Variants in BRDT observed in about 807,000 individuals in gnomAD.
The protein encoded by BRDT is bromodomain testis associated, also known as bromodomain testis-specific protein.
A neutral mutation model predicts 113.9 loss-of-function variants in BRDT; 77 were observed. That is an observed-to-expected ratio of 0.68 (90% CI 0.56 to 0.82). The LOEUF is 0.82. Among genes scored for constraint, BRDT ranks in the 40% least tolerant of loss-of-function variants. BRDT has a pLI of 0.00. For synonymous variants in BRDT, 358 were observed against 366.5 expected (o/e 0.98, Z 0.26); for missense variants, 1,027 against 1,105.4 (o/e 0.93, Z 1.01).
rs558232588 is a variant in BRDT, at chr1:91,975,650, A to G, written c.446-616A>G. Among the ~76,000 whole-genome samples the G allele has an allele frequency of 2.6e-4, 40 of 152,308 alleles. No individual in the cohort carries two copies. In the South Asian group the frequency reaches 6.8e-3, roughly 26 times the overall value. On this transcript the variant is annotated intron_variant, in intron 4 of 18. Transcript: ENST00000399546. ...GACAGTGGAGTCAAAGATGACTTCA[A>G]GGTTTTTGTTGTGAACAATTAGAAG...
intron 4 of BRDT, among the ~76,000 whole-genome samples, chr1:91,972,021 T>G (rs2101626483): frequency 6.6e-6 from 1 of 152,080 alleles, no homozygotes; most frequent in Admixed American, 6.6e-5. Flanking sequence ...TTTTTTTTCT[T>G]TCTTTCTTTC....
intron 4 of BRDT, among the ~76,000 whole-genome samples, chr1:91,972,852 T>C (rs1683760438): frequency 6.6e-6 from 1 of 152,220 alleles, no homozygotes; most frequent in Non-Finnish European, 1.5e-5. Context: ...ATCAGCCCTA[T>C]CTTAAAATAC....
At chr1:91,996,608 C>G (rs1171767269) in intron 15 of BRDT, among the ~76,000 whole-genome samples, 1 of 152,152 alleles carries the variant, frequency 6.6e-6, no homozygotes, top group Non-Finnish European at 1.5e-5. Context: ...TAAGATGATG[C>G]TCTGATGTAG....
At chr1:92,001,292 T>C (rs1416703950) in intron 15 of BRDT, among the ~76,000 whole-genome samples, 1 of 152,246 alleles carries the variant, frequency 6.6e-6, no homozygotes, top group Non-Finnish European at 1.5e-5. Context: ...GTACATAGTA[T>C]GTGCTCAGTA....
chr1:91,965,833 A>G (rs1361776100), intron 3 of BRDT, among the ~76,000 whole-genome samples: 2 of 151,540 alleles, frequency 1.3e-5, no homozygotes, highest in Non-Finnish European at 2.9e-5. Context: ...GTGACAGAGC[A>G]AGACACCTTC....
At chr1:91,958,135 G>T (rs561892454) in intron 1 of BRDT, among the ~76,000 whole-genome samples, 1 of 151,792 alleles carries the variant, frequency 6.6e-6, no homozygotes, top group Non-Finnish European at 1.5e-5. Context: ...GAGCCGCCAT[G>T]CCTGGCCAAG....
At position 91,977,696 on chromosome 1, in the gene BRDT, C is replaced by T. The variant is rs928662591; in HGVS notation, c.969+303C>T. The stretch of plus-strand genomic sequence containing the variant: ...GACCAGCCTGGCCATGGCGAAACTT[C>T]GTCTCTACTAAAAAAAAAAAAAAAA... On this transcript the variant is annotated intron_variant, in intron 6 of 18. Coordinates refer to ENST00000399546, the MANE Select transcript of BRDT (RefSeq NM_207189.4). Among the ~76,000 whole-genome samples the T allele has an allele frequency of 9.1e-5, 13 of 143,520 alleles. No individual in the cohort carries two copies. The East Asian group carries it at 2.6e-3, about 28-fold the overall frequency. 94.2% of individuals were successfully genotyped at this position (143,520 alleles called of 152,430 possible).
chr1:91,960,187 C>T (rs1045592468), intron 1 of BRDT, among the ~76,000 whole-genome samples: 9 of 152,204 alleles, frequency 5.9e-5, no homozygotes, highest in Middle Eastern at 3.4e-3. Flanking sequence ...CTAGCAATTC[C>T]ACTTGTGTAT....
At chr1:91,990,038 T>C (rs561355165) in intron 12 of BRDT, among the ~76,000 whole-genome samples, 9 of 152,328 alleles carry the variant, frequency 5.9e-5, no homozygotes, top group African/African-American at 2.2e-4. Flanking sequence ...ACTCAGGTGG[T>C]CATGAAAGCT....
At chr1:91,970,585 C>T (rs555651077) in intron 4 of BRDT, among the ~76,000 whole-genome samples, 13 of 152,248 alleles carry the variant, frequency 8.5e-5, no homozygotes, top group East Asian at 7.7e-4. Context: ...GAAATTGATA[C>T]GTGATGTGTG....
In BRDT at chr1:91,981,702, C is replaced by T; in HGVS notation, c.1949C>T (p.Ser650Phe). The change falls in exon 12 of 19, where the codon TCT becomes TTT. Residue 650 changes from serine (S) to phenylalanine (F), a missense_variant. Ser to Phe is a radical substitution (Grantham distance 155). Transcript: ENST00000399546. ...SSSSSSSSSESESSSSDLSSS... is the reference protein window; with the variant it reads ...SSSSSSSSSEFESSSSDLSSS... ...AGCAGCAGCAGCAGCTCATCAGAGT[C>T]TGAAAGTAGCAGCAGTGACTTAAGC... The T allele has an allele frequency of 3.1e-6, 5 of 1,614,172 alleles. No homozygotes were observed. The highest frequency in any genetic ancestry group is 4.2e-6 in the Non-Finnish European group (5 of 1,180,020).
chr1:92,007,207 T>TC (rs1328098463), intron 18 of BRDT, among the ~76,000 whole-genome samples: 5 of 152,228 alleles, frequency 3.3e-5, no homozygotes, highest in Non-Finnish European at 7.3e-5. Flanking sequence ...TCTTTTTTTT[T>TC]CTGCCCGTTT....
At chr1:92,003,669 T>C (rs1687043639) in intron 16 of BRDT, among the ~76,000 whole-genome samples, 1 of 152,230 alleles carries the variant, frequency 6.6e-6, no homozygotes, top group Admixed American at 6.5e-5. Context: ...TAATTATAGA[T>C]CAATTGTTTC....
chr1:91,989,731 T>G (rs1397337501), intron 12 of BRDT, among the ~76,000 whole-genome samples: 1 of 152,154 alleles, frequency 6.6e-6, no homozygotes, highest in Non-Finnish European at 1.5e-5. Flanking sequence ...CTCCTTCTCT[T>G]CCTCCTATGC....
chr1:91,963,148 A>AC (rs748172175), intron 2 of BRDT, among the ~76,000 whole-genome samples: 10 of 152,132 alleles, frequency 6.6e-5, no homozygotes, highest in South Asian at 2.1e-4. Flanking sequence ...ACATGGAGAG[A>AC]CCCCGTCTCT....
rs1683497360 is a variant in BRDT, at chr1:91,970,267, ATTTTG to A, written c.445+2012_445+2016del. Among the ~76,000 whole-genome samples the A allele has an allele frequency of 2.0e-5, 3 of 152,104 alleles. No individual in the cohort carries two copies. The South Asian group carries it at 6.2e-4, about 32-fold the overall frequency. On this transcript the variant is annotated intron_variant, in intron 4 of 18. Coordinates refer to ENST00000399546, the MANE Select transcript of BRDT (RefSeq NM_207189.4). ...ATGCTGTGTTTGAAAAGAATGAGAA[ATTTTG>A]TTTTATTTCGAGACAGGGTCTCATT...
Position 91,994,129 on chromosome 1 carries a change from T to C in BRDT, c.2162T>C (p.Val721Ala). The C allele has an allele frequency of 1.2e-6, 2 of 1,613,182 alleles. No homozygotes were observed. Among genetic ancestry groups the C allele is most frequent in the Non-Finnish European group, 1.7e-6 (2 of 1,179,720 alleles). Residue 721 changes from valine to alanine, a missense_variant, in exon 15 of 19, where the codon GTT becomes GCT. Coordinates refer to ENST00000399546, the MANE Select transcript of BRDT (RefSeq NM_207189.4). ...ACAACCTCTGCCAATACTACCCTTG[T>C]TCATCAGACCACACCTTCACATGTA... ...QDTTSANTTL[V>A]HQTTPSHVMP...
In BRDT at chr1:92,014,324, A is replaced by G. The variant is rs771291053; in HGVS notation, c.*50A>G. The G allele has an allele frequency of 1.6e-6, 2 of 1,248,482 alleles. No individual in the cohort carries two copies. Among genetic ancestry groups the G allele is most frequent in the Non-Finnish European group, 2.3e-6 (2 of 879,406 alleles). 77.3% of individuals were successfully genotyped at this position (1,248,482 alleles called of 1,614,324 possible). A position where few individuals can be genotyped will look rare whatever the true frequency, so the allele number is the denominator to read the frequency against. On this transcript the variant is annotated 3_prime_UTR_variant, in exon 19 of 19. Transcript: ENST00000399546. ...AACTTAAAATGAATGGTAAAAGATCAAAATGCATATGGTAAAATGATTGCT... is the reference window on the plus strand; with the variant it reads ...AACTTAAAATGAATGGTAAAAGATCGAAATGCATATGGTAAAATGATTGCT...
chr1:92,004,877 T>A (rs1395518448), intron 17 of BRDT, among the ~76,000 whole-genome samples: 1 of 152,120 alleles, frequency 6.6e-6, no homozygotes, highest in Non-Finnish European at 1.5e-5. Context: ...GTCTTAAAGT[T>A]TTTCTGGTCT....
Sources: gnomAD v4.1 joint callset for allele counts (sites outside exome capture counted in the v4.1 genomes callset) on GRCh38, gnomAD v4.1.1 for gene constraint, MANE v1.5 for transcripts, NCBI Gene and HGNC (gene_info 2026-07-23, HGNC 2026-07-21) for gene names.